The following RTF2 variants were observed in gnomAD, a reference collection of about 807,000 sequenced individuals.
RTF2 encodes replication termination factor 2, also known as UPF0549 protein C20orf43.
A neutral mutation model predicts 38.0 loss-of-function variants in RTF2; 18 were observed. The observed-to-expected ratio is 0.47, with a 90% CI of 0.33 to 0.70. The LOEUF (loss-of-function observed/expected upper bound fraction) is 0.70. Ranked by LOEUF, RTF2 falls within the 30% of genes least tolerant of loss-of-function variation. RTF2 has a pLI of 0.02. For synonymous variants in RTF2, 126 were observed against 137.1 expected (o/e 0.92, Z 0.57); for missense variants, 311 against 379.6 (o/e 0.82, Z 1.50).
intron 7 of RTF2, 43 bp from the exon 8 acceptor site, chr20:56,517,063 G>C: frequency 1.2e-6 from 2 of 1,610,862 alleles, no homozygotes; most frequent in South Asian, 2.2e-5. Flanking sequence ...TTCATGCTTT[G>C]TTTTGCATTG....
chr20:56,514,927 A>G (rs1182830929), intron 6 of RTF2, among the ~76,000 whole-genome samples: 1 of 151,944 alleles, frequency 6.6e-6, no homozygotes, highest in African/African-American at 2.4e-5. Flanking sequence ...TGTGCCTGTA[A>G]TGCCAGCTAC....
At chr20:56,497,651 T>C (rs756837848) in intron 5 of RTF2, 28 of 1,219,072 alleles carry the variant, frequency 2.3e-5, no homozygotes, top group Non-Finnish European at 2.9e-5. Flanking sequence ...AATTTAAGTA[T>C]TTTTTCCTTT....
rs542977373 is a variant in RTF2 at position 56,490,787 on chromosome 20, A to T, written c.477+6598A>T. On this transcript the variant is annotated intron_variant, in intron 5 of 8. Transcript: ENST00000357348. ...AGCCGAGATCGTGCCATTGCACTCCAGCCTGGGCAACAAGAGTAAAACTCC... is the reference window on the plus strand; with the variant it reads ...AGCCGAGATCGTGCCATTGCACTCCTGCCTGGGCAACAAGAGTAAAACTCC... Among the ~76,000 whole-genome samples, 18 of 152,390 alleles carry T rather than the reference A, an allele frequency of 1.2e-4. No individual in the cohort carries two copies. The South Asian group carries it at 3.3e-3, about 28-fold the overall frequency.
chr20:56,508,271 C>G (rs1161771160), intron 5 of RTF2, among the ~76,000 whole-genome samples: 2 of 152,092 alleles, frequency 1.3e-5, no homozygotes, highest in South Asian at 2.1e-4. Context: ...TTGGGAGATT[C>G]TGGAAAATCT....
At chr20:56,474,413 G>A (rs539323775) in intron 2 of RTF2, among the ~76,000 whole-genome samples, 13 of 152,292 alleles carry the variant, frequency 8.5e-5, no homozygotes, top group Middle Eastern at 3.4e-3. Flanking sequence ...TCCGGGAGGC[G>A]GAGGTTGCAG....
intron 5 of RTF2, chr20:56,497,393 G>T (rs1473522232): frequency 6.5e-7 from 1 of 1,549,662 alleles, no homozygotes; most frequent in East Asian, 2.5e-5. Context: ...ATTTATGAGG[G>T]GTTTTGCAAA....
intron 5 of RTF2, among the ~76,000 whole-genome samples, chr20:56,493,656 CAAA>C (rs57274640): frequency 8.5e-5 from 10 of 118,028 alleles, no homozygotes; most frequent in Admixed American, 1.7e-4. Context: ...GACCCTGTCT[CAAA>C]AAAAAAAAAA....
At chr20:56,479,526 A>G (rs1982423313) in intron 4 of RTF2, among the ~76,000 whole-genome samples, 1 of 152,192 alleles carries the variant, frequency 6.6e-6, no homozygotes, top group Non-Finnish European at 1.5e-5. Context: ...CAGCGGGCCA[A>G]ATCACAGATG....
chr20:56,496,606 G>C (rs929103928), intron 5 of RTF2: 3 of 1,464,250 alleles, frequency 2.0e-6, no homozygotes, highest in African/African-American at 1.4e-5. Flanking sequence ...GCTGCTGACT[G>C]CACAGGCATC....
chr20:56,484,269 G>T, intron 5 of RTF2, 80 bp downstream of exon 5: 1 of 1,200,628 alleles, frequency 8.3e-7, no homozygotes, highest in Non-Finnish European at 1.2e-6. Flanking sequence ...CCCTCCATTT[G>T]TTCTTTCTGA....
At chr20:56,498,550 C>T (rs1983710359) in intron 5 of RTF2, among the ~76,000 whole-genome samples, 2 of 150,038 alleles carry the variant, frequency 1.3e-5, no homozygotes, top group Non-Finnish European at 3.0e-5. Flanking sequence ...AGATTAAAAA[C>T]AAGGTATCTT....
At chr20:56,470,227 T>C (rs1282155379) in intron 1 of RTF2, among the ~76,000 whole-genome samples, 1 of 152,190 alleles carries the variant, frequency 6.6e-6, no homozygotes, top group Non-Finnish European at 1.5e-5. Context: ...TTTTTGGCTT[T>C]CACCAAAAAA....
chr20:56,496,723 TGTCA>T lies in RTF2; in HGVS notation c.477+12541_477+12544del, dbSNP rs777005138. On this transcript the variant is annotated intron_variant, in intron 5 of 8. Transcript: ENST00000357348. ...CACTGAAGCATGTCTTTTGCATGGA[TGTCA>T]GTCAGTATGAACTCTACAAACTTCC... is the stretch of plus-strand genomic sequence containing the variant. 16 of 1,551,930 alleles carry T rather than the reference TGTCA, an allele frequency of 1.0e-5. No individual in the cohort carries two copies. The African/African-American group carries it at 1.5e-4, about 15-fold the overall frequency.
intron 5 of RTF2, among the ~76,000 whole-genome samples, chr20:56,494,269 T>G (rs2146341657): frequency 6.6e-6 from 1 of 152,352 alleles, no homozygotes; most frequent in South Asian, 2.1e-4. Flanking sequence ...TTTTAGGGAA[T>G]GAGGACTTTG....
intron 1 of RTF2, among the ~76,000 whole-genome samples, chr20:56,472,114 G>A (rs908065034): frequency 7.9e-5 from 12 of 151,964 alleles, no homozygotes; most frequent in Non-Finnish European, 2.9e-5. Flanking sequence ...CTAGCTACTT[G>A]GGAGGCTAAG....
chr20:56,487,142 T>G (rs550041057), intron 5 of RTF2, among the ~76,000 whole-genome samples: 4 of 152,306 alleles, frequency 2.6e-5, no homozygotes, highest in South Asian at 4.1e-4. Context: ...ACAGTTGTCC[T>G]TTGCGTTGGT....
At chr20:56,503,077 G>A (rs745519326) in intron 5 of RTF2, among the ~76,000 whole-genome samples, 5 of 152,180 alleles carry the variant, frequency 3.3e-5, no homozygotes, top group South Asian at 4.1e-4. Flanking sequence ...GGGGTAATGC[G>A]GCCCCAAAAC....
chr20:56,509,249 C>G (rs546072425), intron 5 of RTF2, among the ~76,000 whole-genome samples: 1 of 152,256 alleles, frequency 6.6e-6, no homozygotes, highest in African/African-American at 2.4e-5. Flanking sequence ...TGCTTAACAT[C>G]TCTGGTCATT....
At chr20:56,475,087 T>TA (rs1222541937) in intron 3 of RTF2, among the ~76,000 whole-genome samples, 2 of 152,280 alleles carry the variant, frequency 1.3e-5, no homozygotes, top group African/African-American at 4.8e-5. Context: ...ATTTGGAAGA[T>TA]ACTTTTGTGA....
Sources: allele counts gnomAD v4.1 joint callset (sites outside exome capture counted in the v4.1 genomes callset), GRCh38; gene constraint gnomAD v4.1.1; transcripts MANE v1.5; gene names NCBI Gene and HGNC (gene_info 2026-07-23, HGNC 2026-07-21).